The following INPP5A variants were observed in gnomAD, a reference collection of about 807,000 sequenced individuals.
The protein encoded by INPP5A is inositol polyphosphate-5-phosphatase A.
Under a neutral mutation model 65.2 loss-of-function variants are expected in INPP5A, and 14 were observed. The observed-to-expected ratio is 0.21, with a 90% CI of 0.14 to 0.34. The LOEUF is 0.34. Ranked by LOEUF, INPP5A falls within the 10% of genes least tolerant of loss-of-function variation. The probability of loss-of-function intolerance (pLI) is 1.00; values close to 1 mark genes in which losing one functional copy is unlikely to be tolerated. For synonymous variants in INPP5A, 207 were observed against 208.3 expected (o/e 0.99, Z 0.05); for missense variants, 431 against 545.6 (o/e 0.79, Z 2.09).
Position 132,538,287 on chromosome 10 carries a change from A to T in INPP5A, c.75+116A>T. ...GTGAACCTCCAGACCCAGAGGCCCC[A>T]GACTCTGATCCCTGTACCCGGGACC... is the stretch of plus-strand genomic sequence containing the variant. On this transcript the variant is annotated intron_variant, in intron 1 of 15. Transcript: ENST00000368594. The surrounding 1 kb of genome is among the most constrained non-coding windows in gnomAD (Gnocchi z 4.1). The T allele has an allele frequency of 2.2e-6, 1 of 446,890 alleles. No individual in the cohort carries two copies. 27.7% of individuals were successfully genotyped at this position (446,890 alleles called of 1,614,324 possible).
At position 132,605,611 on chromosome 10, in the gene INPP5A, G is replaced by A. The variant is rs114057232; in HGVS notation, c.76-2304G>A. Among the ~76,000 whole-genome samples, 560 of 152,072 alleles carry A rather than the reference G, an allele frequency of 3.7e-3. 4 individuals are homozygous for A. The highest frequency in any genetic ancestry group is 0.013 in the African/African-American group (527 of 41,476). On this transcript the variant is annotated intron_variant, in intron 1 of 15. Transcript: ENST00000368594. ...TGGGATGGTGGGATGGGGCCCAGGA[G>A]GCCCTGGGAGCTTCCAAGCTGGGGT...
chr10:132,770,548 G>A (rs1846931023), intron 12 of INPP5A, among the ~76,000 whole-genome samples: 2 of 152,136 alleles, frequency 1.3e-5, no homozygotes, highest in African/African-American at 4.8e-5. Flanking sequence ...TGCCACCATC[G>A]AAATGGCCCC....
chr10:132,692,682 T>C (rs181821264), intron 5 of INPP5A, among the ~76,000 whole-genome samples: 378 of 152,316 alleles, frequency 2.5e-3, no homozygotes, highest in African/African-American at 8.5e-3. Flanking sequence ...AGAAGAAGAA[T>C]ATCATATTCA....
chr10:132,627,310 T>C lies in INPP5A; in HGVS notation c.118-18558T>C, dbSNP rs2072197873. 6.6e-6 allele frequency among the ~76,000 whole-genome samples: 1 copy of C among 151,846 alleles called. No individual in the cohort carries two copies. Among genetic ancestry groups the C allele is most frequent in the African/African-American group, 2.4e-5 (1 of 41,158 alleles). The stretch of plus-strand genomic sequence containing the variant: ...GTGGACAGGCTGGGAATACCTCACC[T>C]TGGGTGCTCCCAGGAGGCTTCACGG... On this transcript the variant is annotated intron_variant, in intron 2 of 15. Transcript: ENST00000368594. This position sits in a 1 kb window ranked among gnomAD's most constrained non-coding sequence, Gnocchi z 6.6.
chr10:132,739,189 A>C (rs1846230198), intron 9 of INPP5A, among the ~76,000 whole-genome samples: 1 of 152,230 alleles, frequency 6.6e-6, no homozygotes, highest in Admixed American at 6.5e-5. Context: ...GGTCCTAAAA[A>C]GCTAGGAAAT....
At chr10:132,737,573 A>G (rs1846200400) in intron 9 of INPP5A, among the ~76,000 whole-genome samples, 1 of 152,168 alleles carries the variant, frequency 6.6e-6, no homozygotes, top group Admixed American at 6.5e-5. Context: ...CGTGCTCTGG[A>G]TGGTGAGGCA....
Position 132,674,656 on chromosome 10 carries a change from A to T in INPP5A, c.307-15736A>T, listed in dbSNP as rs112665277. 6.6e-6 allele frequency among the ~76,000 whole-genome samples: 1 copy of T among 152,124 alleles called. No individual in the cohort carries two copies. The highest frequency in any genetic ancestry group is 2.4e-5 in the African/African-American group (1 of 41,410). Reference sequence around the variant, plus strand: ...GACTTAATCAAGCCCAATCACATACATGCCACTTCCATTTGATGATGGAAT... The same window carrying T: ...GACTTAATCAAGCCCAATCACATACTTGCCACTTCCATTTGATGATGGAAT... On this transcript the variant is annotated intron_variant, in intron 4 of 15. Coordinates refer to ENST00000368594, the MANE Select transcript of INPP5A (RefSeq NM_005539.5). The surrounding 1 kb of genome is among the most constrained non-coding windows in gnomAD (Gnocchi z 4.4).
chr10:132,579,918 G>GTTTTT (rs35846779), intron 1 of INPP5A, among the ~76,000 whole-genome samples: 1 of 141,742 alleles, frequency 7.1e-6, no homozygotes, highest in East Asian at 2.1e-4. Context: ...CTGTTTAAAA[G>GTTTTT]TTTTTTTTTT....
At chr10:132,628,373 C>T (rs1183287151) in intron 2 of INPP5A, among the ~76,000 whole-genome samples, 1 of 145,932 alleles carries the variant, frequency 6.9e-6, no homozygotes, top group Non-Finnish European at 1.5e-5. Flanking sequence ...GGGCCGGCAG[C>T]ACCATTCAGG....
chr10:132,761,590 G>T (rs762348932), intron 11 of INPP5A, among the ~76,000 whole-genome samples: 1 of 152,016 alleles, frequency 6.6e-6, no homozygotes, highest in Non-Finnish European at 1.5e-5. Context: ...GTGGGGCGGA[G>T]CCTGGGGGTG....
rs141232566 is a variant in INPP5A at position 132,686,395 on chromosome 10, G to A, written c.307-3997G>A. Among the ~76,000 whole-genome samples the A allele has an allele frequency of 2.6e-5, 4 of 152,352 alleles. No homozygotes were observed. The East Asian group carries it at 7.7e-4, about 29-fold the overall frequency. On this transcript the variant is annotated intron_variant, in intron 4 of 15. Transcript: ENST00000368594. ...AAGTATTTTGTTTTTAGCAAGAGGCGAGGAGTCATTATTCTCAGATGTGAC... is the reference window on the plus strand; with the variant it reads ...AAGTATTTTGTTTTTAGCAAGAGGCAAGGAGTCATTATTCTCAGATGTGAC...
intron 4 of INPP5A, among the ~76,000 whole-genome samples, chr10:132,679,916 C>G (rs1033684799): frequency 3.3e-5 from 5 of 152,182 alleles, no homozygotes; most frequent in African/African-American, 1.2e-4. Flanking sequence ...TACCCACACG[C>G]AGAAGAATGA....
intron 7 of INPP5A, 74 bp from the exon 8 acceptor site, chr10:132,710,262 GA>G: frequency 3.9e-6 from 6 of 1,549,930 alleles, no homozygotes; most frequent in Non-Finnish European, 5.3e-6. Flanking sequence ...TCTTCCCGGG[GA>G]CTCCTTGGGA....
chr10:132,560,621 A>G (rs1005031175), intron 1 of INPP5A, among the ~76,000 whole-genome samples: 2 of 151,622 alleles, frequency 1.3e-5, no homozygotes, highest in Non-Finnish European at 2.9e-5. Flanking sequence ...TTTTTAAGAG[A>G]CAGATTCTCG....
chr10:132,600,554 C>T (rs2071762265), intron 1 of INPP5A, among the ~76,000 whole-genome samples: 1 of 152,236 alleles, frequency 6.6e-6, no homozygotes, highest in African/African-American at 2.4e-5. Flanking sequence ...CTGTTCCAAC[C>T]TCTGCCTGTT....
At chr10:132,684,396 CATGT>C (rs1261141050) in intron 4 of INPP5A, among the ~76,000 whole-genome samples, 1 of 152,102 alleles carries the variant, frequency 6.6e-6, no homozygotes, top group Non-Finnish European at 1.5e-5. Context: ...CAGGTGTATG[CATGT>C]ATGTGTGTGT....
intron 1 of INPP5A, among the ~76,000 whole-genome samples, chr10:132,567,882 G>A (rs1456928655): frequency 6.6e-6 from 1 of 151,852 alleles, no homozygotes; most frequent in Non-Finnish European, 1.5e-5. Context: ...ACCACATCTG[G>A]CAAAAAATTA....
intron 11 of INPP5A, among the ~76,000 whole-genome samples, chr10:132,754,827 C>G (rs906615715): frequency 6.6e-6 from 1 of 152,256 alleles, no homozygotes; most frequent in African/African-American, 2.4e-5. Context: ...TTCCCCACAA[C>G]TTGCCTTGGG....
At chr10:132,625,143 T>G in intron 2 of INPP5A, among the ~76,000 whole-genome samples, 1 of 104,448 alleles carries the variant, frequency 9.6e-6, no homozygotes, top group Admixed American at 1.3e-4. Flanking sequence ...CTTCCTTCCC[T>G]CCCTCCAGCT....
Sources: allele counts gnomAD v4.1 joint callset (sites outside exome capture counted in the v4.1 genomes callset), GRCh38; gene constraint gnomAD v4.1.1; non-coding constraint Gnocchi (gnomAD v3.1); transcripts MANE v1.5; gene names NCBI Gene and HGNC (gene_info 2026-07-23, HGNC 2026-07-21).